The following BMAL1 variants were observed in gnomAD, a reference collection of about 807,000 sequenced individuals.
The protein encoded by BMAL1 is basic helix-loop-helix ARNT-like protein 1.
At chr11:13,302,040 G>T in the BMAL1 span, among the ~76,000 whole-genome samples, 3,031 of 152,262 alleles carry the variant, frequency 0.02, 99 homozygotes, top group African/African-American at 0.07. Context: ...TTAGAGGCTG[G>T]GATTATCAAC....
chr11:13,284,126 GTGTATA>G, the BMAL1 span, among the ~76,000 whole-genome samples: 30 of 98,590 alleles, frequency 3.0e-4, 1 homozygote, highest in African/African-American at 1.0e-3. Context: ...ATATGTGTGT[GTGTATA>G]TATATATATA....
At chr11:13,375,098 C>T in the BMAL1 span, among the ~76,000 whole-genome samples, 2 of 152,200 alleles carry the variant, frequency 1.3e-5, no homozygotes, top group Admixed American at 6.5e-5. Context: ...CCTCACTACT[C>T]TTCTTGAGGG....
the BMAL1 span, among the ~76,000 whole-genome samples, chr11:13,370,498 CAT>C: frequency 1.3e-3 from 198 of 152,354 alleles, no homozygotes; most frequent in African/African-American, 4.5e-3. Context: ...ATGGCACTGC[CAT>C]TCAGCTGGCT....
At chr11:13,355,971 T>TG in the BMAL1 span, among the ~76,000 whole-genome samples, 25 of 152,286 alleles carry the variant, frequency 1.6e-4, no homozygotes, top group African/African-American at 5.8e-4. Context: ...CTGATAAATG[T>TG]ATGGATTGGA....
At chr11:13,385,696 A>G in the BMAL1 span, 16 of 1,611,520 alleles carry the variant, frequency 9.9e-6, no homozygotes, top group Non-Finnish European at 1.4e-5. Context: ...TAGATTTTAA[A>G]TGGAGGGACT....
At chr11:13,384,503 A>G in the BMAL1 span, among the ~76,000 whole-genome samples, 1 of 152,230 alleles carries the variant, frequency 6.6e-6, no homozygotes, top group Non-Finnish European at 1.5e-5. Context: ...ACTCACCTTT[A>G]AGAAACTTCT....
At chr11:13,291,786 T>C in the BMAL1 span, among the ~76,000 whole-genome samples, 2 of 47,884 alleles carry the variant, frequency 4.2e-5, no homozygotes, top group East Asian at 1.5e-3. Context: ...TTGGTTGTTG[T>C]GTTAGGTTTA....
the BMAL1 span, among the ~76,000 whole-genome samples, chr11:13,341,873 C>T: frequency 6.6e-6 from 1 of 152,216 alleles, no homozygotes; most frequent in Non-Finnish European, 1.5e-5. Flanking sequence ...GGGATTGCAC[C>T]CTGTGCCCTC....
At chr11:13,376,357 A>AGGAG in the BMAL1 span, among the ~76,000 whole-genome samples, 2 of 152,192 alleles carry the variant, frequency 1.3e-5, no homozygotes, top group Non-Finnish European at 2.9e-5. Context: ...GCAGGCTGGC[A>AGGAG]GGAGGAGGTG....
the BMAL1 span, among the ~76,000 whole-genome samples, chr11:13,305,659 G>A: frequency 6.6e-6 from 1 of 152,190 alleles, no homozygotes; most frequent in Non-Finnish European, 1.5e-5. Flanking sequence ...TGCTGGGAGT[G>A]CACATCCTTG....
At chr11:13,284,077 G>GGGGT in the BMAL1 span, among the ~76,000 whole-genome samples, 24 of 85,628 alleles carry the variant, frequency 2.8e-4, 1 homozygote, top group South Asian at 1.6e-3. Flanking sequence ...ACAGTGTTGG[G>GGGGT]GTGTGTGTGT....
chr11:13,298,957 C>T, the BMAL1 span, among the ~76,000 whole-genome samples: 41 of 152,302 alleles, frequency 2.7e-4, no homozygotes, highest in African/African-American at 9.6e-4. Context: ...AAAGACTGGC[C>T]TGTTCAGATT....
At chr11:13,345,799 A>G in the BMAL1 span, among the ~76,000 whole-genome samples, 21 of 152,162 alleles carry the variant, frequency 1.4e-4, no homozygotes, top group Non-Finnish European at 2.5e-4. Flanking sequence ...TTTATTGTAA[A>G]TGCATTGTTT....
At chr11:13,375,829 G>T in the BMAL1 span, 17 of 1,439,956 alleles carry the variant, frequency 1.2e-5, no homozygotes, top group South Asian at 2.4e-4. Context: ...CCTCATCTGG[G>T]AAATGGGGTG....
chr11:13,348,468 A>T, the BMAL1 span, among the ~76,000 whole-genome samples: 1 of 151,964 alleles, frequency 6.6e-6, no homozygotes, highest in Admixed American at 6.6e-5. Flanking sequence ...AGGCAGTGAC[A>T]AGGATCTGGA....
the BMAL1 span, among the ~76,000 whole-genome samples, chr11:13,320,751 A>G: frequency 7.2e-5 from 11 of 152,348 alleles, no homozygotes; most frequent in African/African-American, 1.7e-4. Context: ...GAAGGCTACC[A>G]TGTAAACCCA....
At chr11:13,362,963 G>A in the BMAL1 span, among the ~76,000 whole-genome samples, 2 of 151,574 alleles carry the variant, frequency 1.3e-5, no homozygotes, top group South Asian at 2.1e-4. Flanking sequence ...AGATGTGATA[G>A]GCCTGCCTCT....
At chr11:13,344,301 C>T in the BMAL1 span, among the ~76,000 whole-genome samples, 11 of 152,216 alleles carry the variant, frequency 7.2e-5, no homozygotes, top group Admixed American at 1.3e-4. Context: ...GCACGCCTTC[C>T]TCAAGACACT....
chr11:13,375,573 G>C, the BMAL1 span: 1 of 1,513,306 alleles, frequency 6.6e-7, no homozygotes, highest in Non-Finnish European at 8.8e-7. Context: ...ACTTTGGTCT[G>C]AGAAAACAAC....
Sources: allele counts gnomAD v4.1 joint callset (sites outside exome capture counted in the v4.1 genomes callset), GRCh38; gene constraint gnomAD v4.1.1; transcripts MANE v1.5; gene names NCBI Gene and HGNC (gene_info 2026-07-23, HGNC 2026-07-21).